The following ENOX1 variants were observed in gnomAD, a reference collection of about 807,000 sequenced individuals.
ENOX1 encodes candidate growth-related and time keeping constitutive hydroquinone (NADH) oxidase.
Under a neutral mutation model 82.5 loss-of-function variants are expected in ENOX1, and 42 were observed. The ratio of observed to expected loss-of-function variants is 0.51; its 90% CI spans 0.40 to 0.66. The LOEUF (loss-of-function observed/expected upper bound fraction) is 0.66, where lower values mean the gene tolerates loss of function less well. Ranked by LOEUF, ENOX1 falls within the 30% of genes least tolerant of loss-of-function variation. ENOX1 has a pLI of 0.00. For missense variants in ENOX1, 608 were observed against 811.6 expected, an observed-to-expected ratio of 0.75 and a Z score of 3.05; for synonymous variants, 271 against 282.2, an observed-to-expected ratio of 0.96 and a Z score of 0.40.
intron 3 of ENOX1, among the ~76,000 whole-genome samples, chr13:43,461,527 C>T (rs951595148): frequency 3.3e-5 from 5 of 152,176 alleles, no homozygotes; most frequent in South Asian, 2.1e-4. Flanking sequence ...TCTGTCCTCA[C>T]GGACTCTATA....
At chr13:43,520,537 TATG>T (rs373628297) in intron 2 of ENOX1, among the ~76,000 whole-genome samples, 1 of 152,144 alleles carries the variant, frequency 6.6e-6, no homozygotes, top group Non-Finnish European at 1.5e-5. Flanking sequence ...CCAAAAATGA[TATG>T]ATATCATCTT....
intron 1 of ENOX1, among the ~76,000 whole-genome samples, chr13:43,740,132 G>A (rs1244064422): frequency 6.6e-6 from 1 of 152,136 alleles, no homozygotes; most frequent in Non-Finnish European, 1.5e-5. Context: ...TCCCAGCAGA[G>A]GGAACAACAG....
chr13:43,374,286 C>T (rs2051463277), intron 5 of ENOX1, among the ~76,000 whole-genome samples: 6 of 150,216 alleles, frequency 4.0e-5, no homozygotes, highest in Admixed American at 4.0e-4. Context: ...CATTCTGTCA[C>T]CCAGGCTGGA....
chr13:43,597,601 C>G (rs1650336139), intron 2 of ENOX1, among the ~76,000 whole-genome samples: 1 of 152,182 alleles, frequency 6.6e-6, no homozygotes, highest in Non-Finnish European at 1.5e-5. Context: ...TAACTAATCT[C>G]TCCATCTCTA....
intron 11 of ENOX1, among the ~76,000 whole-genome samples, chr13:43,318,414 T>C (rs2047632156): frequency 1.3e-5 from 2 of 152,216 alleles, no homozygotes. Flanking sequence ...ACTAACTCTG[T>C]GTGCCCTGGG....
chr13:43,582,111 A>C (rs1165716899), intron 2 of ENOX1, among the ~76,000 whole-genome samples: 2 of 152,214 alleles, frequency 1.3e-5, no homozygotes, highest in Non-Finnish European at 2.9e-5. Context: ...ACATTCTTGT[A>C]TCATGATACA....
chr13:43,403,567 G>A (rs1346371806), intron 5 of ENOX1, among the ~76,000 whole-genome samples: 1 of 152,166 alleles, frequency 6.6e-6, no homozygotes, highest in Non-Finnish European at 1.5e-5. Flanking sequence ...GACAGGCTGG[G>A]TGCAGTGGCT....
At chr13:43,635,703 G>A (rs1476514423) in intron 2 of ENOX1, among the ~76,000 whole-genome samples, 3 of 152,134 alleles carry the variant, frequency 2.0e-5, no homozygotes, top group Non-Finnish European at 4.4e-5. Context: ...GATAAGGCAG[G>A]AAAGGAAGGG....
chr13:43,314,261 C>T (rs1425350088), intron 11 of ENOX1, among the ~76,000 whole-genome samples: 1 of 152,180 alleles, frequency 6.6e-6, no homozygotes, highest in Non-Finnish European at 1.5e-5. Context: ...GGAGAGCTTA[C>T]TATAATAATA....
intron 2 of ENOX1, among the ~76,000 whole-genome samples, chr13:43,506,252 C>T (rs2077157494): frequency 2.0e-5 from 3 of 151,958 alleles, no homozygotes; most frequent in South Asian, 2.1e-4. Flanking sequence ...TCATTACTGG[C>T]CATCAGAGAA....
chr13:43,681,663 T>C (rs551630816), intron 1 of ENOX1, among the ~76,000 whole-genome samples: 1 of 141,686 alleles, frequency 7.1e-6, no homozygotes, highest in South Asian at 2.3e-4. Context: ...AAACAGATAT[T>C]CCCACTTGGG....
chr13:43,344,387 A>G (rs1345735396), intron 9 of ENOX1, 151 bp downstream of exon 9: 1 of 684,488 alleles, frequency 1.5e-6, no homozygotes, highest in Admixed American at 2.9e-5. Flanking sequence ...AAGTTGCCAC[A>G]GAACATGAAA....
At chr13:43,713,810 CTTT>C (rs2087908379) in intron 1 of ENOX1, among the ~76,000 whole-genome samples, 1 of 151,510 alleles carries the variant, frequency 6.6e-6, no homozygotes, top group African/African-American at 2.4e-5. Flanking sequence ...CTCTTTTCTT[CTTT>C]ATTAGTCTTG....
intron 2 of ENOX1, among the ~76,000 whole-genome samples, chr13:43,511,023 A>G (rs2077348423): frequency 6.6e-6 from 1 of 152,164 alleles, no homozygotes. Context: ...GCTATATTTT[A>G]CATTGCTGAA....
chr13:43,511,698 T>G (rs1315292208), intron 2 of ENOX1, among the ~76,000 whole-genome samples: 1 of 152,132 alleles, frequency 6.6e-6, no homozygotes, highest in African/African-American at 2.4e-5. Flanking sequence ...TTTCACTGAT[T>G]CTTACTCGTT....
At chr13:43,340,258 T>A (rs1443280295) in intron 9 of ENOX1, among the ~76,000 whole-genome samples, 1 of 152,242 alleles carries the variant, frequency 6.6e-6, no homozygotes. Context: ...ATATGCAATC[T>A]TCTGGTTCTG....
intron 2 of ENOX1, among the ~76,000 whole-genome samples, chr13:43,578,001 G>A (rs547571695): frequency 2.8e-4 from 43 of 152,168 alleles, no homozygotes; most frequent in African/African-American, 9.4e-4. Context: ...AAAGGAGAAT[G>A]GGATCCAGAG....
intron 3 of ENOX1, among the ~76,000 whole-genome samples, chr13:43,476,360 A>C (rs778549395): frequency 4.6e-5 from 7 of 152,256 alleles, no homozygotes; most frequent in East Asian, 1.9e-4. Context: ...GGAACCTTTA[A>C]CAACATACTA....
chr13:43,637,777 A>G (rs959685563), intron 2 of ENOX1, among the ~76,000 whole-genome samples: 22 of 152,204 alleles, frequency 1.4e-4, no homozygotes, highest in Middle Eastern at 3.2e-3. Context: ...ATTTTACAGT[A>G]TAAGTCTCTA....
Sources: allele counts gnomAD v4.1 joint callset (sites outside exome capture counted in the v4.1 genomes callset), GRCh38; gene constraint gnomAD v4.1.1; transcripts MANE v1.5; gene names NCBI Gene and HGNC (gene_info 2026-07-23, HGNC 2026-07-21).